Variants in ELAC1 observed in about 807,000 individuals in gnomAD.
ELAC1 encodes the protein zinc phosphodiesterase ELAC protein 1.
Under a neutral mutation model 25.8 loss-of-function variants are expected in ELAC1, and 19 were observed. The ratio of observed to expected loss-of-function variants is 0.74; its 90% CI spans 0.51 to 1.08. The LOEUF (loss-of-function observed/expected upper bound fraction) is 1.08. Among genes scored for constraint, ELAC1 ranks in the 50% least tolerant of loss-of-function variants. The pLI is 0.00. For synonymous variants in ELAC1, 148 were observed against 160.9 expected (o/e 0.92, Z 0.61); for missense variants, 403 against 434.6 (o/e 0.93, Z 0.65).
chr18:50,981,908 G>A (rs564586130), intron 2 of ELAC1, among the ~76,000 whole-genome samples: 12 of 149,656 alleles, frequency 8.0e-5, no homozygotes, highest in Non-Finnish European at 1.5e-4. Context: ...GTGCAATGGC[G>A]TGATCTCGGC....
intron 3 of ELAC1, among the ~76,000 whole-genome samples, chr18:50,985,034 A>C (rs1908062286): frequency 6.6e-6 from 1 of 152,196 alleles, no homozygotes; most frequent in Non-Finnish European, 1.5e-5. Flanking sequence ...CTTATTAAGG[A>C]AAATCCATGG....
At chr18:50,982,028 TA>T (rs1243358151) in intron 2 of ELAC1, among the ~76,000 whole-genome samples, 1 of 152,092 alleles carries the variant, frequency 6.6e-6, no homozygotes, top group Non-Finnish European at 1.5e-5. Context: ...GTATTTTTAG[TA>T]GAGACAGGGT....
At chr18:50,984,693 A>G in intron 3 of ELAC1, 130 bp downstream of exon 3, 1 of 701,380 alleles carries the variant, frequency 1.4e-6, no homozygotes, top group Non-Finnish European at 2.3e-6. Flanking sequence ...GCACTTTGGG[A>G]GGCCGAGGTG....
At chr18:50,970,270 T>G (rs1907616895) in intron 1 of ELAC1, among the ~76,000 whole-genome samples, 1 of 152,194 alleles carries the variant, frequency 6.6e-6, no homozygotes, top group Non-Finnish European at 1.5e-5. Context: ...TGATATGTTT[T>G]AAAAGCTCTC....
intron 1 of ELAC1, among the ~76,000 whole-genome samples, chr18:50,973,420 C>T (rs997459658): frequency 6.6e-6 from 1 of 152,150 alleles, no homozygotes; most frequent in Non-Finnish European, 1.5e-5. Context: ...TGGAATAAAC[C>T]TGCACATTCA....
intron 1 of ELAC1, chr18:50,968,469 A>G (rs945124646): frequency 6.6e-6 from 1 of 152,322 alleles, no homozygotes; most frequent in Non-Finnish European, 1.5e-5. Flanking sequence ...CCCTAGGCAC[A>G]CCACAGGGTG....
intron 3 of ELAC1, among the ~76,000 whole-genome samples, chr18:50,984,989 C>G (rs2144325527): frequency 6.6e-6 from 1 of 151,930 alleles, no homozygotes; most frequent in South Asian, 2.1e-4. Flanking sequence ...CTGAAACTGA[C>G]AATTTCTCCA....
Position 50,984,396 on chromosome 18 carries a change from G to GA in ELAC1, c.460dup (p.Arg154LysfsTer16), listed in dbSNP as rs767528809. ...GACAGTCCTCCCAAAGAGGAACAAG[G>GA]AAGAACTATCCTGTTAGACTCAGAA... On this transcript the variant is annotated frameshift_variant, in exon 3 of 4. Transcript: ENST00000269466. LOFTEE classifies it high-confidence loss of function. 6.2e-7 allele frequency: 1 copy of GA among 1,614,162 alleles called. No homozygotes were observed. The highest frequency in any genetic ancestry group is 1.3e-5 in the African/African-American group (1 of 75,038).
chr18:50,980,060 G>C (rs532618614), intron 2 of ELAC1, among the ~76,000 whole-genome samples: 2 of 152,212 alleles, frequency 1.3e-5, no homozygotes, highest in Non-Finnish European at 2.9e-5. Context: ...AGTTGGAGTT[G>C]GGCACAGTGG....
chr18:50,985,607 TTGTG>T (rs1318232341), intron 3 of ELAC1, among the ~76,000 whole-genome samples: 3 of 152,252 alleles, frequency 2.0e-5, no homozygotes, highest in African/African-American at 7.2e-5. Context: ...CAGTGGCATT[TTGTG>T]TGTGTTTGTT....
At chr18:50,974,244 A>C (rs893662310) in intron 1 of ELAC1, among the ~76,000 whole-genome samples, 153 bp from the exon 2 acceptor site, 5 of 152,226 alleles carry the variant, frequency 3.3e-5, no homozygotes, top group Non-Finnish European at 7.3e-5. Flanking sequence ...CAAGTTATTA[A>C]AACCTTACTG....
rs558204757 is a variant in ELAC1, at chr18:50,983,710, C to A, written c.158-386C>A. On this transcript the variant is annotated intron_variant, in intron 2 of 3. Transcript: ENST00000269466. Reference sequence around the variant, plus strand: ...CAAAATTAAAAAAAAAAAAAAAAAACCAGGCATAGTGGTAGGGTCTGTAGT... The same window carrying A: ...CAAAATTAAAAAAAAAAAAAAAAAAACAGGCATAGTGGTAGGGTCTGTAGT... 7.5e-3 allele frequency among the ~76,000 whole-genome samples: 1,102 copies of A among 146,062 alleles called. 15 individuals are homozygous for A. Among genetic ancestry groups the A allele is most frequent in the South Asian group, 0.066 (307 of 4,640 alleles).
intron 2 of ELAC1, among the ~76,000 whole-genome samples, chr18:50,978,574 A>G (rs930630905): frequency 6.6e-6 from 1 of 152,132 alleles, no homozygotes. Context: ...GGTCCCTCCC[A>G]TGATGTAGGG....
intron 2 of ELAC1, among the ~76,000 whole-genome samples, chr18:50,977,949 G>A (rs1460006004): frequency 6.6e-6 from 1 of 152,170 alleles, no homozygotes; most frequent in Non-Finnish European, 1.5e-5. Flanking sequence ...CAGATCTCTA[G>A]GGCAGGGGCA....
At chr18:50,982,276 G>A (rs1442550752) in intron 2 of ELAC1, among the ~76,000 whole-genome samples, 2 of 152,166 alleles carry the variant, frequency 1.3e-5, no homozygotes, top group East Asian at 3.9e-4. Context: ...GCATATCGAG[G>A]AAACTTCTAG....
intron 1 of ELAC1, chr18:50,968,406 C>G (rs933508885): frequency 1.3e-5 from 2 of 152,590 alleles, no homozygotes; most frequent in African/African-American, 2.4e-5. Flanking sequence ...CTCTTACTCT[C>G]TGCCGCCCGG....
rs769435178 is a variant in ELAC1, at chr18:50,974,527, A to C, written c.123A>C (p.Thr41=). 1.2e-6 allele frequency: 2 copies of C among 1,613,878 alleles called. No homozygotes were observed. Among genetic ancestry groups the C allele is most frequent in the South Asian group, 1.1e-5 (1 of 91,062 alleles). The part of the protein sequence containing the change: ...ECWLFDCGEG[T]QTQLMKSQLK... ...GGCTCTTTGACTGTGGGGAGGGAAC[A>C]CAGACACAGCTTATGAAAAGCCAAC... Residue 41 remains threonine, a synonymous_variant, in exon 2 of 4, where the codon ACA becomes ACC. Coordinates refer to ENST00000269466, the MANE Select transcript of ELAC1 (RefSeq NM_018696.3).
intron 3 of ELAC1, 107 bp from the exon 4 acceptor site, chr18:50,986,512 A>G (rs1039821098): frequency 5.8e-6 from 5 of 863,772 alleles, no homozygotes; most frequent in Non-Finnish European, 8.9e-6. Context: ...ATTTATAACA[A>G]TTATGGATGC....
chr18:50,986,797 A>T lies in ELAC1; in HGVS notation c.804A>T (p.Glu268Asp). The T allele has an allele frequency of 1.2e-6, 2 of 1,614,204 alleles. No homozygotes were observed. Among genetic ancestry groups the T allele is most frequent in the Non-Finnish European group, 1.7e-6 (2 of 1,180,038 alleles). The part of the protein sequence containing the change: ...VGDGGVKLCF[E>D]ADLLIHEATL... ...ATGGAGGAGTAAAACTGTGCTTTGA[A>T]GCAGACCTGTTGATCCACGAAGCAA... Residue 268 changes from glutamate (E) to aspartate (D), a missense_variant, in exon 4 of 4, where the codon GAA (glutamate) becomes GAT (aspartate). By Grantham distance (45) the Glu-to-Asp change is conservative. Coordinates refer to ENST00000269466, the MANE Select transcript of ELAC1 (RefSeq NM_018696.3).
Sources: gnomAD v4.1 joint callset for allele counts (sites outside exome capture counted in the v4.1 genomes callset) on GRCh38, gnomAD v4.1.1 for gene constraint, MANE v1.5 for transcripts, NCBI Gene and HGNC (gene_info 2026-07-23, HGNC 2026-07-21) for gene names.